Variants in WWOX observed in about 807,000 individuals in gnomAD.
The protein encoded by WWOX is WW domain-containing oxidoreductase.
Under a neutral mutation model 46.2 loss-of-function variants are expected in WWOX, and 69 were observed. The ratio of observed to expected loss-of-function variants is 1.49; its 90% confidence interval spans 1.23 to 1.82. The LOEUF (loss-of-function observed/expected upper bound fraction) is 1.82. Among genes scored for constraint, WWOX ranks in the 40% most tolerant of loss-of-function variants. The probability of loss-of-function intolerance (pLI) is 0.00; values close to 1 mark genes in which losing one functional copy is unlikely to be tolerated. For synonymous variants in WWOX, 359 were observed against 202.6 expected, an observed-to-expected ratio of 1.77 and a Z score of -6.56; for missense variants, 919 against 542.6, an observed-to-expected ratio of 1.69 and a Z score of -6.89.
At chr16:79,206,458 A>G (rs1328898105) in intron 8 of WWOX, 3 of 152,226 alleles carry the variant, frequency 2.0e-5, no homozygotes, top group African/African-American at 7.2e-5. Context: ...CTCTCTAAAT[A>G]AATGGAAATA....
At chr16:78,913,589 T>A (rs562425761) in intron 8 of WWOX, among the ~76,000 whole-genome samples, 1 of 151,848 alleles carries the variant, frequency 6.6e-6, no homozygotes, top group African/African-American at 2.4e-5. Context: ...TTGGACTTGA[T>A]GTGAGAAATC....
intron 6 of WWOX, among the ~76,000 whole-genome samples, chr16:78,414,630 A>G (rs1195093275): frequency 6.6e-6 from 1 of 152,196 alleles, no homozygotes; most frequent in Non-Finnish European, 1.5e-5. Flanking sequence ...CTTAGGTTCT[A>G]CAACAGTGAT....
At chr16:78,770,584 G>A (rs994519405) in intron 8 of WWOX, among the ~76,000 whole-genome samples, 9 of 152,164 alleles carry the variant, frequency 5.9e-5, no homozygotes, top group Admixed American at 1.3e-4. Flanking sequence ...AGGGAAGGAC[G>A]TCTGTGGGAG....
chr16:78,975,802 C>T (rs562658027), intron 8 of WWOX, among the ~76,000 whole-genome samples: 2 of 152,178 alleles, frequency 1.3e-5, no homozygotes, highest in Admixed American at 6.5e-5. Context: ...TCTGCCAGGC[C>T]CTTGGAGGGT....
At chr16:78,192,916 G>A (rs771071014) in intron 5 of WWOX, among the ~76,000 whole-genome samples, 12 of 152,186 alleles carry the variant, frequency 7.9e-5, no homozygotes, top group Non-Finnish European at 1.3e-4. Context: ...ACCTTTTGCC[G>A]CAGTAACAAA....
At chr16:79,076,150 A>C (rs1221743763) in intron 8 of WWOX, among the ~76,000 whole-genome samples, 1 of 152,236 alleles carries the variant, frequency 6.6e-6, no homozygotes, top group Non-Finnish European at 1.5e-5. Context: ...TATTTTCTCA[A>C]AGGAATATTA....
intron 8 of WWOX, among the ~76,000 whole-genome samples, chr16:78,996,741 C>G (rs757073470): frequency 8.5e-5 from 13 of 152,168 alleles, no homozygotes; most frequent in Non-Finnish European, 1.3e-4. Flanking sequence ...ACAGGTTGCT[C>G]TGCAATTCTC....
intron 8 of WWOX, among the ~76,000 whole-genome samples, chr16:79,129,910 C>G (rs1003624744): frequency 6.6e-6 from 1 of 152,210 alleles, no homozygotes; most frequent in African/African-American, 2.4e-5. Flanking sequence ...TCGCTGTTCA[C>G]TGGCTGAGTC....
chr16:78,604,554 C>T (rs762318109), intron 8 of WWOX, among the ~76,000 whole-genome samples: 1 of 152,254 alleles, frequency 6.6e-6, no homozygotes, highest in East Asian at 1.9e-4. Flanking sequence ...TTTTCATGAG[C>T]TACGTTGTAT....
intron 5 of WWOX, among the ~76,000 whole-genome samples, chr16:78,285,465 A>T (rs2079751833): frequency 6.6e-6 from 1 of 151,952 alleles, no homozygotes; most frequent in African/African-American, 2.4e-5. Flanking sequence ...AAATTAAGTT[A>T]GAAGGGAGGG....
chr16:78,549,141 T>C (rs1413438586), intron 8 of WWOX, among the ~76,000 whole-genome samples: 1 of 152,200 alleles, frequency 6.6e-6, no homozygotes, highest in Non-Finnish European at 1.5e-5. Flanking sequence ...GGAGGTGTAC[T>C]ACATCCGTAA....
At chr16:78,710,223 G>C (rs2048410070) in intron 8 of WWOX, among the ~76,000 whole-genome samples, 1 of 151,378 alleles carries the variant, frequency 6.6e-6, no homozygotes, top group African/African-American at 2.4e-5. Context: ...GCACACTTGG[G>C]GCACCTGGGG....
At chr16:78,355,041 C>T (rs1453733589) in intron 5 of WWOX, among the ~76,000 whole-genome samples, 1 of 150,754 alleles carries the variant, frequency 6.6e-6, no homozygotes, top group South Asian at 2.1e-4. Context: ...CTGAGGCAGG[C>T]GAACTGCTTG....
intron 8 of WWOX, among the ~76,000 whole-genome samples, chr16:78,723,865 C>T (rs545458422): frequency 6.6e-6 from 1 of 152,182 alleles, no homozygotes; most frequent in East Asian, 1.9e-4. Context: ...CACATTTAAT[C>T]TGTAAAAAAT....
At chr16:78,874,921 C>A (rs139544835) in intron 8 of WWOX, among the ~76,000 whole-genome samples, 489 of 152,166 alleles carry the variant, frequency 3.2e-3, no homozygotes, top group Non-Finnish European at 4.7e-3. Flanking sequence ...GAGACACAAC[C>A]CTGTGAAAAC....
At chr16:78,987,733 T>C (rs2151341767) in intron 8 of WWOX, among the ~76,000 whole-genome samples, 1 of 152,312 alleles carries the variant, frequency 6.6e-6, no homozygotes, top group East Asian at 1.9e-4. Context: ...AGAGTTGCGA[T>C]ATGTCGGCCC....
intron 5 of WWOX, among the ~76,000 whole-genome samples, chr16:78,326,441 C>T (rs1435009453): frequency 6.6e-6 from 1 of 151,930 alleles, no homozygotes; most frequent in Non-Finnish European, 1.5e-5. Context: ...AGGGGTTGAA[C>T]GTTGTTATCG....
chr16:78,954,683 C>T (rs1291345766), intron 8 of WWOX, among the ~76,000 whole-genome samples: 1 of 152,076 alleles, frequency 6.6e-6, no homozygotes, highest in African/African-American at 2.4e-5. Flanking sequence ...AAATAAATTC[C>T]TGTAATGGGA....
intron 5 of WWOX, among the ~76,000 whole-genome samples, chr16:78,348,482 G>A (rs1481393909): frequency 8.3e-6 from 1 of 120,930 alleles, no homozygotes. Flanking sequence ...AGTTTTTTGA[G>A]ACAGGGTCTC....
Sources: gnomAD v4.1 joint callset for allele counts (sites outside exome capture counted in the v4.1 genomes callset) on GRCh38, gnomAD v4.1.1 for gene constraint, MANE v1.5 for transcripts, NCBI Gene and HGNC (gene_info 2026-07-23, HGNC 2026-07-21) for gene names.